The following KIF26B variants were observed in gnomAD, a reference collection of about 807,000 sequenced individuals.
The protein encoded by KIF26B is kinesin-like protein KIF26B.
KIF26B carries 63 observed loss-of-function variants against 151.2 expected under a neutral mutation model. The observed-to-expected ratio is 0.42, with a 90% CI of 0.34 to 0.51. The LOEUF (loss-of-function observed/expected upper bound fraction) is 0.51, where lower values mean the gene tolerates loss of function less well. KIF26B is among the 20% of genes least tolerant of loss of function. The probability of loss-of-function intolerance (pLI) is 0.07; values close to 1 mark genes in which losing one functional copy is unlikely to be tolerated. For missense variants in KIF26B, 2,813 were observed against 2,913.6 expected (o/e 0.97, Z 0.79); for synonymous variants, 1,357 against 1,262.1 (o/e 1.08, Z -1.59).
intron 2 of KIF26B, among the ~76,000 whole-genome samples, chr1:245,347,524 A>C (rs1028936682): frequency 1.3e-5 from 2 of 151,670 alleles, no homozygotes; most frequent in African/African-American, 4.9e-5. Flanking sequence ...GTCTTGCTAC[A>C]TTTTCCAGGC....
chr1:245,612,058 G>T (rs2043530101), intron 9 of KIF26B, 82 bp downstream of exon 9: 3 of 149,672 alleles, frequency 2.0e-5, no homozygotes. Context: ...TGACCTTTGT[G>T]TGTGTGTGTG....
chr1:245,640,122 G>GCTCTCTCTCTCTCTCTCTCTCTCTCT (rs376565844), intron 9 of KIF26B, among the ~76,000 whole-genome samples: 808 of 53,522 alleles, frequency 0.015, 118 homozygotes, highest in East Asian at 0.02. Flanking sequence ...ACTAATATTT[G>GCTCTCTCTCTCTCTCTCTCTCTCTCT]CTCTCTCTCT....
chr1:245,697,375 G>C (rs11805219), intron 12 of KIF26B, among the ~76,000 whole-genome samples: 6 of 152,150 alleles, frequency 3.9e-5, no homozygotes, highest in Admixed American at 1.3e-4. Flanking sequence ...AGCCGTCCTC[G>C]TCACAACGTG....
At chr1:245,689,123 C>T (rs1572207505) in intron 12 of KIF26B, among the ~76,000 whole-genome samples, 2 of 152,312 alleles carry the variant, frequency 1.3e-5, no homozygotes, top group East Asian at 1.9e-4. Flanking sequence ...AATCCCTTGG[C>T]GCTCAGCAGG....
chr1:245,369,618 A>C (rs1012098363), intron 3 of KIF26B, among the ~76,000 whole-genome samples: 2 of 152,228 alleles, frequency 1.3e-5, no homozygotes, highest in African/African-American at 2.4e-5. Flanking sequence ...CAGTTAAGGA[A>C]TATGATGCTT....
chr1:245,623,667 G>A (rs1249903292), intron 9 of KIF26B, among the ~76,000 whole-genome samples: 1 of 152,158 alleles, frequency 6.6e-6, no homozygotes, highest in Non-Finnish European at 1.5e-5. Flanking sequence ...CAGGTCACAG[G>A]AAAAACTTTT....
At chr1:245,302,893 G>A (rs1050495241) in intron 2 of KIF26B, among the ~76,000 whole-genome samples, 1 of 147,534 alleles carries the variant, frequency 6.8e-6, no homozygotes, top group African/African-American at 2.5e-5. Flanking sequence ...GGAAGCTGAG[G>A]CAGGAGAATC....
At chr1:245,506,706 G>T (rs1180169728) in intron 4 of KIF26B, among the ~76,000 whole-genome samples, 2 of 152,164 alleles carry the variant, frequency 1.3e-5, no homozygotes, top group Non-Finnish European at 2.9e-5. Flanking sequence ...TTGTGACAAA[G>T]TTTCACTCTT....
intron 5 of KIF26B, among the ~76,000 whole-genome samples, chr1:245,546,869 T>G (rs1661752882): frequency 1.3e-5 from 2 of 152,272 alleles, no homozygotes; most frequent in East Asian, 3.8e-4. Flanking sequence ...AACTCCATAG[T>G]TAAGCTTACG....
At chr1:245,674,735 G>C (rs962130254) in intron 10 of KIF26B, among the ~76,000 whole-genome samples, 1 of 152,132 alleles carries the variant, frequency 6.6e-6, no homozygotes, top group African/African-American at 2.4e-5. Context: ...GTACATATTG[G>C]CTGAGTTACT....
chr1:245,581,266 A>G (rs1347507895), intron 5 of KIF26B, among the ~76,000 whole-genome samples: 1 of 152,244 alleles, frequency 6.6e-6, no homozygotes, highest in Non-Finnish European at 1.5e-5. Flanking sequence ...CACCTGGATA[A>G]GTATTCACCA....
intron 2 of KIF26B, among the ~76,000 whole-genome samples, chr1:245,295,348 G>A (rs1671318775): frequency 6.6e-6 from 1 of 152,150 alleles, no homozygotes. Flanking sequence ...GACTCAACTA[G>A]TCATTTGTGT....
intron 9 of KIF26B, among the ~76,000 whole-genome samples, chr1:245,619,603 C>CAAAA (rs34022501): frequency 4.5e-5 from 5 of 110,756 alleles, no homozygotes; most frequent in African/African-American, 1.4e-4. Context: ...GAAACTGTTT[C>CAAAA]AAAAAAAAAA....
Position 245,702,437 on chromosome 1 carries a change from C to T in KIF26B, c.6179-21C>T. On this transcript the variant is annotated intron_variant, in intron 14 of 14. Coordinates refer to ENST00000407071, the MANE Select transcript of KIF26B (RefSeq NM_018012.4). This position sits in a 1 kb window ranked among gnomAD's most constrained non-coding sequence, Gnocchi z 4.1. ...CACCCTGTTTGCTCTGCGTCTCCATCAGGCTCTTCCTCTCTTGCAGTTGAC... is the reference window on the plus strand; with the variant it reads ...CACCCTGTTTGCTCTGCGTCTCCATTAGGCTCTTCCTCTCTTGCAGTTGAC... 6.2e-7 allele frequency: 1 copy of T among 1,613,498 alleles called. No individual in the cohort carries two copies. Among genetic ancestry groups the T allele is most frequent in the Non-Finnish European group, 8.5e-7 (1 of 1,179,608 alleles).
At chr1:245,417,539 C>G (rs1674449770) in intron 3 of KIF26B, among the ~76,000 whole-genome samples, 1 of 151,936 alleles carries the variant, frequency 6.6e-6, no homozygotes, top group Non-Finnish European at 1.5e-5. Context: ...TTGAATAGTT[C>G]TATTTATAGG....
rs1558395243 is a variant in KIF26B, at chr1:245,341,317, T to TGTTTTGTTTTG, written c.466-25517_466-25516insGTTTTGTTTTG. Among the ~76,000 whole-genome samples the TGTTTTGTTTTG allele has an allele frequency of 1.1e-3, 77 of 71,492 alleles. 1 individual carries two copies. Among genetic ancestry groups the TGTTTTGTTTTG allele is most frequent in the African/African-American group, 7.0e-3 (34 of 4,878 alleles). 46.9% of individuals were successfully genotyped at this position (71,492 alleles called of 152,430 possible). Reference sequence around the variant, plus strand: ...AAAAAGATGCAGTTTTTTTTTTTTTTTTTTTTTTTTTTTTTTTTTTTGAGA... The same window carrying TGTTTTGTTTTG: ...AAAAAGATGCAGTTTTTTTTTTTTTTGTTTTGTTTTGTTTTTTTTTTTTTTTTTTTTTGAGA... On this transcript the variant is annotated intron_variant, in intron 2 of 14. Transcript: ENST00000407071.
At chr1:245,349,577 A>G (rs1219995169) in intron 2 of KIF26B, among the ~76,000 whole-genome samples, 17 of 149,682 alleles carry the variant, frequency 1.1e-4, no homozygotes, top group Non-Finnish European at 2.2e-4. Flanking sequence ...AAAAAAAAAA[A>G]AAGCCAACAA....
At chr1:245,683,627 C>T (rs1214891337) in intron 10 of KIF26B, among the ~76,000 whole-genome samples, 1 of 152,154 alleles carries the variant, frequency 6.6e-6, no homozygotes, top group Admixed American at 6.5e-5. Context: ...ACTGGCTGGG[C>T]CTCTCTCTGT....
intron 5 of KIF26B, among the ~76,000 whole-genome samples, chr1:245,555,644 G>A (rs761111166): frequency 5.6e-4 from 85 of 152,132 alleles, no homozygotes; most frequent in Non-Finnish European, 9.3e-4. Flanking sequence ...ACAGACAAAC[G>A]TCACCCCCTG....
Sources: gnomAD v4.1 joint callset for allele counts (sites outside exome capture counted in the v4.1 genomes callset) on GRCh38, gnomAD v4.1.1 for gene constraint, Gnocchi (gnomAD v3.1) non-coding constraint, MANE v1.5 for transcripts, NCBI Gene and HGNC (gene_info 2026-07-23, HGNC 2026-07-21) for gene names.